SMOX: variants seen among roughly 807,000 people sequenced by gnomAD.
SMOX encodes spermine oxidase, also known as flavin containing amine oxidase.
Under a neutral mutation model 51.0 loss-of-function variants are expected in SMOX, and 22 were observed. That is an observed-to-expected ratio of 0.43 (90% CI 0.31 to 0.62). The LOEUF is 0.62. Ranked by LOEUF, SMOX falls within the 20% of genes least tolerant of loss-of-function variation. The probability of loss-of-function intolerance (pLI) is 0.10; values close to 1 mark genes in which losing one functional copy is unlikely to be tolerated. For synonymous variants in SMOX, 282 were observed against 307.8 expected (o/e 0.92, Z 0.88); for missense variants, 566 against 777.7 (o/e 0.73, Z 3.24).
rs961436821 is a variant in SMOX, at chr20:4,183,974, GTATT to G, written c.1530+322_1530+325del. Among the ~76,000 whole-genome samples, 2 of 151,840 alleles carry G rather than the reference GTATT, an allele frequency of 1.3e-5. No homozygotes were observed. The highest frequency in any genetic ancestry group is 2.9e-5 in the Non-Finnish European group (2 of 67,966). On this transcript the variant is annotated intron_variant, in intron 6 of 6. Transcript: ENST00000305958. The surrounding 1 kb of genome is among the most constrained non-coding windows in gnomAD (Gnocchi z 4.3). ...TTTATTAAAAATTTAAATTAATACA[GTATT>G]TTTTTTTTCTTTTTTGAGACAGGGT...
chr20:4,187,305 CCG>C lies in SMOX; in HGVS notation c.1568_1569del (p.Arg523GlnfsTer16), dbSNP rs1263398122. ...TGCTGTTTTCCGGTGAGGCCACCCA[CCG>C]CAAGTACTATTCCACCACCCACGGT... is the stretch of plus-strand genomic sequence containing the variant. ...QVLFSGEATH[R>X]KYYSTTHGAL... On this transcript the variant is annotated frameshift_variant, in exon 7 of 7. Transcript: ENST00000305958. LOFTEE classifies it high-confidence loss of function. The surrounding 1 kb of genome is among the most constrained non-coding windows in gnomAD (Gnocchi z 4.8). The C allele has an allele frequency of 6.2e-7, 1 of 1,614,246 alleles. No individual in the cohort carries two copies.
chr20:4,160,277 T>G (rs1986241337), intron 1 of SMOX, among the ~76,000 whole-genome samples: 1 of 152,176 alleles, frequency 6.6e-6, no homozygotes, highest in Non-Finnish European at 1.5e-5. Flanking sequence ...GGCCTTGAGA[T>G]GACTCCTGCC....
intron 6 of SMOX, among the ~76,000 whole-genome samples, chr20:4,185,064 A>G (rs1224208555): frequency 6.6e-6 from 1 of 152,224 alleles, no homozygotes; most frequent in Non-Finnish European, 1.5e-5. Flanking sequence ...GCAACAGTGC[A>G]CTTTAATGCT....
rs1979403198 is a variant in SMOX, at chr20:4,182,391, G to A, written c.912G>A (p.Arg304=). The change falls in exon 5 of 7, where the codon AGG becomes AGA. Residue 304 remains arginine (R), a synonymous_variant. Transcript: ENST00000305958. This position sits in a 1 kb window ranked among gnomAD's most constrained non-coding sequence, Gnocchi z 8.4. ...GTGGAGAGGAGCCCCGGGGGGGCAG[G>A]TGGGATGAGGATGAGCAGTGGTCGG... The part of the protein sequence containing the change: ...GQGGEEPRGG[R]WDEDEQWSVV... The A allele has an allele frequency of 1.3e-6, 2 of 1,599,566 alleles. No individual in the cohort carries two copies. Among genetic ancestry groups the A allele is most frequent in the Non-Finnish European group, 1.7e-6 (2 of 1,171,910 alleles).
rs760271089 is a variant in SMOX at position 4,182,189 on chromosome 20, C to T, written c.710C>T (p.Ser237Leu). 35 of 1,613,474 alleles carry T rather than the reference C, an allele frequency of 2.2e-5. No individual in the cohort carries two copies. Among genetic ancestry groups the T allele is most frequent in the East Asian group, 1.1e-4 (5 of 44,854 alleles). Residue 237 changes from serine (S) to leucine (L), a missense_variant, in exon 5 of 7, where the codon TCG becomes TTG. Around this residue, in one of 3 missense-constraint regions of SMOX, gnomAD observed 347 missense variants for 481.8 expected, o/e 0.72. Coordinates refer to ENST00000305958, the MANE Select transcript of SMOX (RefSeq NM_175839.3). This position sits in a 1 kb window ranked among gnomAD's most constrained non-coding sequence, Gnocchi z 8.4. The stretch of plus-strand genomic sequence containing the variant: ...CCCGGCGCTCACCACATCATCCCCT[C>T]GGGCTTCATGCGGGTTGTGGAGCTG... Reference protein sequence around the residue: ...EIPGAHHIIPSGFMRVVELLA... With the variant: ...EIPGAHHIIPLGFMRVVELLA...
Position 4,181,868 on chromosome 20 carries a change from C to T in SMOX, c.501C>T (p.Ser167=), listed in dbSNP as rs928518415. The T allele has an allele frequency of 3.6e-5, 58 of 1,613,954 alleles. No individual in the cohort carries two copies. The highest frequency in any genetic ancestry group is 4.7e-5 in the Non-Finnish European group (55 of 1,180,008). The stretch of plus-strand genomic sequence containing the variant: ...CAGTCAATGCTGAAAGTCAAAATAG[C>T]GTGGGGGTGTTCACCCGAGAGGAGG... ...DKPVNAESQN[S]VGVFTREEVR... is the part of the protein sequence containing the mutation. The change falls in exon 4 of 7, where the codon AGC becomes AGT. Residue 167 remains serine, a synonymous_variant. Transcript: ENST00000305958. The surrounding 1 kb of genome is among the most constrained non-coding windows in gnomAD (Gnocchi z 5.6).
rs1215125316 is a variant in SMOX at position 4,153,607 on chromosome 20, C to T, written c.-27+4630C>T. 6.6e-6 allele frequency among the ~76,000 whole-genome samples: 1 copy of T among 152,158 alleles called. No homozygotes were observed. The highest frequency in any genetic ancestry group is 1.5e-5 in the Non-Finnish European group (1 of 68,030). Reference sequence around the variant, plus strand: ...TCTGTTTTCTCTGAATTCTGAGCCCCAGAGTTGAGGGGATCTGCTCATCTA... The same window carrying T: ...TCTGTTTTCTCTGAATTCTGAGCCCTAGAGTTGAGGGGATCTGCTCATCTA... On this transcript the variant is annotated intron_variant, in intron 1 of 6. Transcript: ENST00000305958. This position sits in a 1 kb window ranked among gnomAD's most constrained non-coding sequence, Gnocchi z 4.4.
chr20:4,171,388 G>A (rs1978379380), intron 1 of SMOX, among the ~76,000 whole-genome samples: 1 of 152,158 alleles, frequency 6.6e-6, no homozygotes, highest in Admixed American at 6.5e-5. Flanking sequence ...GCACACAGTA[G>A]GTGTCCTGGC....
In SMOX at chr20:4,177,872, C is replaced by G; in HGVS notation, c.435+295C>G. Among the ~76,000 whole-genome samples, 1 of 152,018 alleles carries G rather than the reference C, an allele frequency of 6.6e-6. No individual in the cohort carries two copies. The stretch of plus-strand genomic sequence containing the variant: ...TCTACACAAAAAATGAGAATTTTGT[C>G]TTTTTTTCCTTTCTAGTCATTAGAC... On this transcript the variant is annotated intron_variant, in intron 3 of 6. Transcript: ENST00000305958. The surrounding 1 kb of genome is among the most constrained non-coding windows in gnomAD (Gnocchi z 4.3).
chr20:4,183,594 CGG>C lies in SMOX; in HGVS notation c.1473_1474del (p.Ala492GlyfsTer27). 1 of 1,610,364 alleles carries C rather than the reference CGG, an allele frequency of 6.2e-7. No homozygotes were observed. The highest frequency in any genetic ancestry group is 8.5e-7 in the Non-Finnish European group (1 of 1,178,022). Reference sequence around the variant, plus strand: ...ATTCATACACGCAGGTGGGCTCCAGCGGGGCGGATGTGGAGAAGCTGGCCAAG... The same window carrying C: ...ATTCATACACGCAGGTGGGCTCCAGCGGCGGATGTGGAGAAGCTGGCCAAG... Reference protein sequence around the residue: ...SYSYTQVGSSGADVEKLAKPL... With the variant: ...SYSYTQVGSSXADVEKLAKPL... On this transcript the variant is annotated frameshift_variant, in exon 6 of 7. Coordinates refer to ENST00000305958, the MANE Select transcript of SMOX (RefSeq NM_175839.3). LOFTEE classifies it high-confidence loss of function. The surrounding 1 kb of genome is among the most constrained non-coding windows in gnomAD (Gnocchi z 4.3).
intron 1 of SMOX, among the ~76,000 whole-genome samples, chr20:4,150,650 C>A (rs921258311): frequency 6.6e-6 from 1 of 152,052 alleles, no homozygotes; most frequent in Non-Finnish European, 1.5e-5. Context: ...AAATGTACAT[C>A]ATTCTCATGG....
chr20:4,175,075 G>A lies in SMOX; in HGVS notation c.20G>A (p.Ser7Asn). The A allele has an allele frequency of 6.2e-7, 1 of 1,614,248 alleles. No individual in the cohort carries two copies. The highest frequency in any genetic ancestry group is 8.5e-7 in the Non-Finnish European group (1 of 1,180,048). MQSCES[S>N]GDSADDPLSR... The stretch of plus-strand genomic sequence containing the variant: ...GACGGTATGCAAAGTTGTGAATCCA[G>A]TGGTGACAGTGCGGATGACCCTCTC... The change falls in exon 2 of 7, where the codon AGT becomes AAT. Residue 7 changes from serine (S) to asparagine (N), a missense_variant. This residue lies in a region of SMOX where 217 missense variants were observed against 278.4 expected (regional missense o/e 0.78). Coordinates refer to ENST00000305958, the MANE Select transcript of SMOX (RefSeq NM_175839.3).
Position 4,181,606 on chromosome 20 carries a change from G to A in SMOX, c.436-197G>A, listed in dbSNP as rs1347012606. ...GCTTATCCCACCTCCCCGACAGGCC[G>A]GAGGCGAGGAGGTGGCTGCCCGGGG... On this transcript the variant is annotated intron_variant, in intron 3 of 6. Coordinates refer to ENST00000305958, the MANE Select transcript of SMOX (RefSeq NM_175839.3). The surrounding 1 kb of genome is among the most constrained non-coding windows in gnomAD (Gnocchi z 5.6). Among the ~76,000 whole-genome samples, 5 of 152,178 alleles carry A rather than the reference G, an allele frequency of 3.3e-5. No homozygotes were observed. The highest frequency in any genetic ancestry group is 4.4e-5 in the Non-Finnish European group (3 of 68,034).
At chr20:4,174,345 G>A (rs1240831779) in intron 1 of SMOX, among the ~76,000 whole-genome samples, 1 of 152,150 alleles carries the variant, frequency 6.6e-6, no homozygotes, top group Non-Finnish European at 1.5e-5. Context: ...CCTGAGGTTT[G>A]TGTGAATATC....
chr20:4,157,872 C>T (rs1986090667), intron 1 of SMOX, among the ~76,000 whole-genome samples: 1 of 152,014 alleles, frequency 6.6e-6, no homozygotes, highest in Admixed American at 6.5e-5. Flanking sequence ...TTCAGCAGCT[C>T]AGGTGGGGGA....
intron 6 of SMOX, among the ~76,000 whole-genome samples, chr20:4,186,068 G>A (rs539725477): frequency 6.6e-6 from 1 of 152,292 alleles, no homozygotes; most frequent in African/African-American, 2.4e-5. Context: ...ATGGGAGGCC[G>A]AAGTGGGAGG....
At chr20:4,161,220 C>T (rs184950393) in intron 1 of SMOX, among the ~76,000 whole-genome samples, 4 of 152,298 alleles carry the variant, frequency 2.6e-5, no homozygotes, top group African/African-American at 7.2e-5. Context: ...ATGGGTGGAT[C>T]TCTGTGCTGG....
intron 1 of SMOX, among the ~76,000 whole-genome samples, chr20:4,150,918 A>G (rs896032392): frequency 3.0e-5 from 4 of 135,004 alleles, no homozygotes; most frequent in African/African-American, 1.1e-4. Context: ...CGCAACCTCC[A>G]CCTCCTGCGT....
intron 1 of SMOX, among the ~76,000 whole-genome samples, chr20:4,152,955 G>A (rs1985835626): frequency 6.6e-6 from 1 of 152,186 alleles, no homozygotes; most frequent in Non-Finnish European, 1.5e-5. Flanking sequence ...ATCCATGCTT[G>A]AAATCGGTCC....
Sources: allele counts gnomAD v4.1 joint callset (sites outside exome capture counted in the v4.1 genomes callset), GRCh38; gene constraint gnomAD v4.1.1; regional missense constraint gnomAD v4.1.1; non-coding constraint Gnocchi (gnomAD v3.1); transcripts MANE v1.5; gene names NCBI Gene and HGNC (gene_info 2026-07-23, HGNC 2026-07-21).